ARHGAP42: variants seen among roughly 807,000 people sequenced by gnomAD.
ARHGAP42 encodes rho GTPase-activating protein 42.
ARHGAP42 carries 63 observed loss-of-function variants against 125.0 expected under a neutral mutation model. The ratio of observed to expected loss-of-function variants is 0.50; its 90% CI spans 0.41 to 0.62. The LOEUF (loss-of-function observed/expected upper bound fraction) is 0.62. ARHGAP42 is among the 20% of genes least tolerant of loss of function. The pLI, the probability that ARHGAP42 is intolerant of heterozygous loss-of-function variation, is 0.00. For missense variants in ARHGAP42, 766 were observed against 1,024.2 expected (o/e 0.75, Z 3.44); for synonymous variants, 339 against 351.0 (o/e 0.97, Z 0.38).
intron 2 of ARHGAP42, among the ~76,000 whole-genome samples, chr11:100,781,401 A>G (rs964565440): frequency 7.2e-5 from 11 of 152,014 alleles, no homozygotes; most frequent in Non-Finnish European, 1.3e-4. Context: ...TGAGCATGGG[A>G]GATAATGCTG....
At chr11:100,845,764 A>G (rs923439225) in intron 3 of ARHGAP42, among the ~76,000 whole-genome samples, 1 of 152,116 alleles carries the variant, frequency 6.6e-6, no homozygotes, top group Non-Finnish European at 1.5e-5. Context: ...TCCTCATTGT[A>G]ATTCAGTAAT....
At chr11:100,699,477 CATGT>C (rs1252217438) in intron 1 of ARHGAP42, among the ~76,000 whole-genome samples, 2 of 53,454 alleles carry the variant, frequency 3.7e-5, no homozygotes, top group Admixed American at 5.6e-4. Flanking sequence ...CAAATTTATT[CATGT>C]ATATATATAT....
intron 2 of ARHGAP42, among the ~76,000 whole-genome samples, chr11:100,779,462 AAAAAAATAT>A (rs1863217694): frequency 1.0e-5 from 1 of 95,774 alleles, no homozygotes; most frequent in African/African-American, 3.4e-5. Context: ...AAAAAAAAAA[AAAAAAATAT>A]ATATATATAT....
intron 3 of ARHGAP42, among the ~76,000 whole-genome samples, chr11:100,810,436 G>C (rs954750466): frequency 5.9e-5 from 9 of 152,130 alleles, no homozygotes. Flanking sequence ...TGGAAAATGT[G>C]GCCACCGTAT....
rs1223541048 is a variant in ARHGAP42, at chr11:100,811,503, C to CT, written c.312+16351dup. On this transcript the variant is annotated intron_variant, in intron 3 of 23. Coordinates refer to ENST00000298815, the MANE Select transcript of ARHGAP42 (RefSeq NM_152432.4). ...CTTCTGCCTCGAATGTCTTGACTTT[C>CT]TTTTTTTTTTTTTTCTTTGGAGATG... Among the ~76,000 whole-genome samples, 57 of 30,098 alleles carry CT rather than the reference C, an allele frequency of 1.9e-3. 1 individual carries two copies. The highest frequency in any genetic ancestry group is 0.012 in the South Asian group (9 of 738). 19.7% of individuals were successfully genotyped at this position (30,098 alleles called of 152,430 possible).
intron 3 of ARHGAP42, among the ~76,000 whole-genome samples, chr11:100,802,424 C>CTT (rs777832011): frequency 0.058 from 7,151 of 123,752 alleles, 526 homozygotes; most frequent in African/African-American, 0.15. Context: ...TCCTTTCTTT[C>CTT]TTTTTTTTTT....
chr11:100,721,373 A>G (rs1861755325), intron 1 of ARHGAP42, among the ~76,000 whole-genome samples: 1 of 152,100 alleles, frequency 6.6e-6, no homozygotes, highest in Non-Finnish European at 1.5e-5. Context: ...GAATCATGCA[A>G]TGTATAGCCC....
intron 4 of ARHGAP42, among the ~76,000 whole-genome samples, chr11:100,904,438 G>A (rs1374135500): frequency 1.3e-5 from 2 of 152,012 alleles, no homozygotes; most frequent in Non-Finnish European, 1.5e-5. Context: ...GTAGAGACGG[G>A]GTTTTGCCAT....
intron 1 of ARHGAP42, among the ~76,000 whole-genome samples, chr11:100,735,755 C>T (rs896791934): frequency 1.3e-5 from 2 of 151,416 alleles, no homozygotes; most frequent in Non-Finnish European, 2.9e-5. Flanking sequence ...ATTACAGGCG[C>T]CCGCCACCAC....
chr11:100,891,391 A>G (rs180787034), intron 4 of ARHGAP42, among the ~76,000 whole-genome samples: 2 of 149,800 alleles, frequency 1.3e-5, no homozygotes, highest in East Asian at 4.0e-4. Flanking sequence ...TAATATCCTT[A>G]TAGGTTCAGA....
At chr11:100,873,117 G>T (rs1484107801) in intron 4 of ARHGAP42, among the ~76,000 whole-genome samples, 3 of 152,174 alleles carry the variant, frequency 2.0e-5, no homozygotes, top group Non-Finnish European at 4.4e-5. Flanking sequence ...TCTCCAGTCA[G>T]CACAGGGGAA....
chr11:100,769,058 A>G (rs1305477215), intron 1 of ARHGAP42, among the ~76,000 whole-genome samples: 1 of 152,220 alleles, frequency 6.6e-6, no homozygotes. Flanking sequence ...ACAGCATGTT[A>G]CTGTACTGAG....
intron 3 of ARHGAP42, among the ~76,000 whole-genome samples, chr11:100,848,237 C>T (rs527468532): frequency 2.0e-5 from 3 of 152,084 alleles, no homozygotes; most frequent in South Asian, 2.1e-4. Context: ...TATCCGAGAA[C>T]GTGCATTTTT....
chr11:100,937,341 C>A (rs189083546), intron 8 of ARHGAP42, among the ~76,000 whole-genome samples: 2 of 152,264 alleles, frequency 1.3e-5, no homozygotes, highest in Admixed American at 1.3e-4. Context: ...TACCCTCCCC[C>A]CAGTTCATGA....
intron 3 of ARHGAP42, among the ~76,000 whole-genome samples, chr11:100,859,105 AG>A (rs1156814474): frequency 1.3e-5 from 2 of 152,094 alleles, no homozygotes; most frequent in Non-Finnish European, 2.9e-5. Context: ...CTAACTAAAT[AG>A]GGGGAAAAAT....
intron 6 of ARHGAP42, among the ~76,000 whole-genome samples, chr11:100,932,016 C>G (rs1867594545): frequency 6.6e-6 from 1 of 152,112 alleles, no homozygotes; most frequent in Admixed American, 6.5e-5. Flanking sequence ...GAAGAAAGGT[C>G]CTTAAAATAT....
At chr11:100,922,706 C>T (rs1204685939) in intron 6 of ARHGAP42, among the ~76,000 whole-genome samples, 3 of 152,186 alleles carry the variant, frequency 2.0e-5, no homozygotes, top group Non-Finnish European at 4.4e-5. Flanking sequence ...AAATCATTTT[C>T]TAATGGAAAT....
At chr11:100,841,758 G>T (rs982526432) in intron 3 of ARHGAP42, among the ~76,000 whole-genome samples, 1 of 152,100 alleles carries the variant, frequency 6.6e-6, no homozygotes, top group South Asian at 2.1e-4. Flanking sequence ...TTGAGTAGGG[G>T]TTGGAGGCGG....
chr11:100,915,311 TG>T, intron 5 of ARHGAP42, among the ~76,000 whole-genome samples: 1 of 151,994 alleles, frequency 6.6e-6, no homozygotes, highest in African/African-American at 2.4e-5. Context: ...AACCTAAGAG[TG>T]AATGGAGTTA....
Sources: gnomAD v4.1 joint callset for allele counts (sites outside exome capture counted in the v4.1 genomes callset) on GRCh38, gnomAD v4.1.1 for gene constraint, MANE v1.5 for transcripts, NCBI Gene and HGNC (gene_info 2026-07-23, HGNC 2026-07-21) for gene names.